The following HSD17B12 variants were observed in gnomAD, a reference collection of about 807,000 sequenced individuals.
HSD17B12 encodes very-long-chain 3-oxoacyl-CoA reductase.
In HSD17B12, 32 loss-of-function variants were observed where a neutral mutation model predicts 39.3. That is an observed-to-expected ratio of 0.81 (90% CI 0.61 to 1.09). The LOEUF (loss-of-function observed/expected upper bound fraction) is 1.09. Ranked by LOEUF, HSD17B12 falls within the 50% of genes least tolerant of loss-of-function variation. The pLI, the probability that HSD17B12 is intolerant of heterozygous loss-of-function variation, is 0.00. For missense variants in HSD17B12, 342 were observed against 382.9 expected (o/e 0.89, Z 0.89); for synonymous variants, 150 against 146.7 (o/e 1.02, Z -0.16).
chr11:43,853,656 G>A (rs954540372), intron 9 of HSD17B12: 1 of 152,192 alleles, frequency 6.6e-6, no homozygotes, highest in Non-Finnish European at 1.5e-5. Flanking sequence ...GGGCATGGTG[G>A]TGCACACCTG....
chr11:43,642,024 C>CAT, the HSD17B12 span, among the ~76,000 whole-genome samples: 1 of 151,692 alleles, frequency 6.6e-6, no homozygotes, highest in Non-Finnish European at 1.5e-5. Flanking sequence ...CTTCTATTAA[C>CAT]ATATATATAT....
chr11:43,696,549 C>A (rs960000364), intron 1 of HSD17B12, among the ~76,000 whole-genome samples: 29 of 152,202 alleles, frequency 1.9e-4, no homozygotes, highest in African/African-American at 7.0e-4. Context: ...GAAATAGGAA[C>A]ACTTTTACAC....
chr11:43,622,633 A>G, the HSD17B12 span, among the ~76,000 whole-genome samples: 1 of 150,814 alleles, frequency 6.6e-6, no homozygotes, highest in Admixed American at 6.6e-5. Flanking sequence ...TAGAATCTGC[A>G]TTTTTTTTTA....
At chr11:43,755,933 C>T (rs972618940) in intron 3 of HSD17B12, among the ~76,000 whole-genome samples, 3 of 152,104 alleles carry the variant, frequency 2.0e-5, no homozygotes, top group Non-Finnish European at 4.4e-5. Flanking sequence ...ACAATCATGG[C>T]GGAAGGTGAA....
intron 1 of HSD17B12, among the ~76,000 whole-genome samples, chr11:43,742,220 CTCAACT>C (rs1950374412): frequency 2.7e-5 from 4 of 150,364 alleles, no homozygotes; most frequent in African/African-American, 9.8e-5. Flanking sequence ...TCACTTCATC[CTCAACT>C]TCCTGAGCTC....
chr11:43,806,132 G>A, intron 4 of HSD17B12: 1 of 152,194 alleles, frequency 6.6e-6, no homozygotes. Flanking sequence ...GCTCTACCGG[G>A]CTTCAGTTTC....
At chr11:43,690,400 A>ATTTTT (rs1565049826) in intron 1 of HSD17B12, among the ~76,000 whole-genome samples, 2 of 27,162 alleles carry the variant, frequency 7.4e-5, no homozygotes, top group Admixed American at 4.8e-4. Context: ...ATATATATAT[A>ATTTTT]TATATTTTTT....
At chr11:43,582,115 T>C in the HSD17B12 span, among the ~76,000 whole-genome samples, 1 of 152,132 alleles carries the variant, frequency 6.6e-6, no homozygotes, top group Non-Finnish European at 1.5e-5. Context: ...CCAACCTAAT[T>C]TGGGGCGTTT....
At chr11:43,598,826 A>AAGC in the HSD17B12 span, among the ~76,000 whole-genome samples, 6 of 152,328 alleles carry the variant, frequency 3.9e-5, no homozygotes, top group African/African-American at 1.4e-4. Flanking sequence ...ATCACCAGGC[A>AAGC]AGCCAGCCAT....
At chr11:43,735,607 C>T (rs1950309497) in intron 1 of HSD17B12, among the ~76,000 whole-genome samples, 1 of 152,054 alleles carries the variant, frequency 6.6e-6, no homozygotes, top group Non-Finnish European at 1.5e-5. Flanking sequence ...CATTTTGTTA[C>T]TGAGTTGTAC....
At chr11:43,748,223 A>G (rs996901716) in intron 1 of HSD17B12, among the ~76,000 whole-genome samples, 1 of 152,182 alleles carries the variant, frequency 6.6e-6, no homozygotes, top group African/African-American at 2.4e-5. Flanking sequence ...GTGCCCATCA[A>G]TGGTAGATTG....
At chr11:43,616,190 C>G in the HSD17B12 span, among the ~76,000 whole-genome samples, 1 of 152,094 alleles carries the variant, frequency 6.6e-6, no homozygotes, top group Non-Finnish European at 1.5e-5. Flanking sequence ...GGTGGATTGC[C>G]TGAACTCAGG....
chr11:43,576,475 A>G, the HSD17B12 span: 1 of 152,162 alleles, frequency 6.6e-6, no homozygotes, highest in Non-Finnish European at 1.5e-5. Flanking sequence ...AAACCTGGAC[A>G]TCACCGCATT....
At chr11:43,773,976 G>C (rs1393286868) in intron 3 of HSD17B12, among the ~76,000 whole-genome samples, 1 of 151,956 alleles carries the variant, frequency 6.6e-6, no homozygotes, top group Non-Finnish European at 1.5e-5. Context: ...TTGTACATCG[G>C]GTATAGCCTG....
At chr11:43,734,225 G>GC in intron 1 of HSD17B12, 1 of 1,512,646 alleles carries the variant, frequency 6.6e-7, no homozygotes, top group Non-Finnish European at 9.1e-7. Context: ...GGAGCGAGCA[G>GC]CCACCTTTGG....
the HSD17B12 span, among the ~76,000 whole-genome samples, chr11:43,593,766 C>T: frequency 3.3e-5 from 5 of 150,948 alleles, no homozygotes; most frequent in East Asian, 9.7e-4. Context: ...AAATCCAGGA[C>T]AATTAAAGGA....
the HSD17B12 span, chr11:43,673,299 C>T: frequency 1.3e-5 from 2 of 152,050 alleles, no homozygotes; most frequent in Non-Finnish European, 2.9e-5. Context: ...TATTTGTATA[C>T]TAATATGATA....
At chr11:43,581,077 G>A in the HSD17B12 span, among the ~76,000 whole-genome samples, 8 of 152,132 alleles carry the variant, frequency 5.3e-5, no homozygotes, top group East Asian at 3.9e-4. The surrounding 1 kb of genome is among the most constrained non-coding windows in gnomAD (Gnocchi z 4.9). Flanking sequence ...GGAGATAGAG[G>A]GATAGGACAG....
chr11:43,708,980 C>T (rs561463964), intron 1 of HSD17B12, among the ~76,000 whole-genome samples: 4 of 152,290 alleles, frequency 2.6e-5, no homozygotes, highest in East Asian at 1.9e-4. Context: ...CTGTGCCCTC[C>T]AGTGGAGAAA....
Sources: gnomAD v4.1 joint callset for allele counts (sites outside exome capture counted in the v4.1 genomes callset) on GRCh38, gnomAD v4.1.1 for gene constraint, Gnocchi (gnomAD v3.1) non-coding constraint, MANE v1.5 for transcripts, NCBI Gene and HGNC (gene_info 2026-07-23, HGNC 2026-07-21) for gene names.